TEX11: variants seen among roughly 807,000 people sequenced by gnomAD.
TEX11 encodes testis-expressed protein 11.
TEX11 carries 7 observed loss-of-function variants against 84.4 expected under a neutral mutation model. The ratio of observed to expected loss-of-function variants is 0.08; its 90% confidence interval spans 0.05 to 0.16. TEX11 has a LOEUF of 0.16. Among genes scored for constraint, TEX11 ranks in the 10% least tolerant of loss-of-function variants. The pLI is 1.00. For synonymous variants in TEX11, 264 were observed against 222.8 expected, an observed-to-expected ratio of 1.18 and a Z score of -1.64; for missense variants, 551 against 660.5, an observed-to-expected ratio of 0.83 and a Z score of 1.82.
At chrX:70,698,508 T>C (rs1393032789) in intron 13 of TEX11, among the ~76,000 whole-genome samples, 4 of 104,946 alleles carry the variant, frequency 3.8e-5, no homozygotes, top group Non-Finnish European at 5.9e-5. Flanking sequence ...ATTGAAGAAA[T>C]AGATAGGTTC....
At chrX:70,669,984 A>G (rs2090008458) in intron 16 of TEX11, among the ~76,000 whole-genome samples, 3 of 112,445 alleles carry the variant, frequency 2.7e-5, no homozygotes, top group Non-Finnish European at 5.6e-5. Flanking sequence ...AAGTGAAAGA[A>G]TGGCCACTTC....
intron 2 of TEX11, among the ~76,000 whole-genome samples, chrX:70,898,787 A>T (rs1422020757): frequency 9.1e-6 from 1 of 110,268 alleles, no homozygotes; most frequent in African/African-American, 3.3e-5. Flanking sequence ...TTGTATTTTT[A>T]GTAGAGACGG....
intron 9 of TEX11, among the ~76,000 whole-genome samples, chrX:70,752,501 G>C (rs1330904283): frequency 2.1e-5 from 2 of 96,159 alleles, no homozygotes; most frequent in African/African-American, 3.9e-5. Context: ...TCCCAGCCTG[G>C]GTGACAGAGC....
At chrX:70,717,772 G>T (rs1031822296) in intron 13 of TEX11, among the ~76,000 whole-genome samples, 21 of 111,678 alleles carry the variant, frequency 1.9e-4, no homozygotes, top group Middle Eastern at 9.2e-3. Context: ...ACTGTCTACA[G>T]AAGCCAAATA....
intron 7 of TEX11, among the ~76,000 whole-genome samples, chrX:70,841,417 G>GTT (rs1173141297): frequency 1.8e-5 from 2 of 111,119 alleles, no homozygotes; most frequent in Non-Finnish European, 3.8e-5. Context: ...AAATAAAGAT[G>GTT]TTCTTTGAAA....
At chrX:70,876,043 T>A (rs1376443929) in intron 3 of TEX11, among the ~76,000 whole-genome samples, 1 of 112,456 alleles carries the variant, frequency 8.9e-6, no homozygotes, top group East Asian at 2.8e-4. Context: ...TGGACAAATG[T>A]ATATGTGATG....
chrX:70,515,062 C>T, the TEX11 span, among the ~76,000 whole-genome samples: 21 of 65,698 alleles, frequency 3.2e-4, 1 homozygote, highest in South Asian at 0.017. Flanking sequence ...GAGTGAAACT[C>T]GGTCACACAC....
At chrX:70,609,633 C>T (rs1361401087) in intron 21 of TEX11, among the ~76,000 whole-genome samples, 1 of 112,102 alleles carries the variant, frequency 8.9e-6, no homozygotes, top group African/African-American at 3.2e-5. Context: ...ATAAGAATGC[C>T]AACCAGCAAA....
At chrX:70,595,376 C>T (rs996689331) in intron 24 of TEX11, among the ~76,000 whole-genome samples, 5 of 111,773 alleles carry the variant, frequency 4.5e-5, no homozygotes, top group African/African-American at 1.6e-4. Context: ...TGAGCTACCA[C>T]ACCCGGCTTC....
At chrX:70,663,482 G>A (rs2089949319) in intron 16 of TEX11, among the ~76,000 whole-genome samples, 1 of 111,383 alleles carries the variant, frequency 9.0e-6, no homozygotes, top group African/African-American at 3.3e-5. Context: ...CATTTCCCAA[G>A]TTTAACATCC....
chrX:70,548,760 G>C (rs947426789), intron 28 of TEX11, among the ~76,000 whole-genome samples: 9 of 112,043 alleles, frequency 8.0e-5, no homozygotes, highest in African/African-American at 2.9e-4. Flanking sequence ...GTTGGAACTT[G>C]AGTTCCAACA....
chrX:70,820,345 G>A (rs760931444), intron 8 of TEX11, among the ~76,000 whole-genome samples: 1 of 111,923 alleles, frequency 8.9e-6, no homozygotes, highest in African/African-American at 3.2e-5. Flanking sequence ...CAGTGTTGAT[G>A]GATATCAACA....
intron 20 of TEX11, among the ~76,000 whole-genome samples, chrX:70,610,975 T>C (rs1337354379): frequency 8.9e-6 from 1 of 111,782 alleles, no homozygotes; most frequent in African/African-American, 3.2e-5. Context: ...GAGGAGTGGG[T>C]GGAGGCTTGG....
In TEX11 at chrX:70,552,250, A is replaced by C; in HGVS notation, c.2400-4T>G. 8.3e-6 allele frequency: 10 copies of C among 1,204,552 alleles called. No individual in the cohort carries two copies. The highest frequency in any genetic ancestry group is 1.0e-5 in the Non-Finnish European group (9 of 893,347). Reference sequence around the variant, plus strand: ...AACCAAGTTGTGCATACATTTGCTGAAAATCAAAAAGAGAAAACTCATCCC... The same window carrying C: ...AACCAAGTTGTGCATACATTTGCTGCAAATCAAAAAGAGAAAACTCATCCC... On this transcript the variant is annotated splice_polypyrimidine_tract_variant and splice_region_variant and intron_variant, in intron 27 of 29. Transcript: ENST00000374333.
chrX:70,536,808 G>A (rs1437931124), intron 28 of TEX11, among the ~76,000 whole-genome samples: 2 of 112,121 alleles, frequency 1.8e-5, no homozygotes. Context: ...TTTTAGGGAA[G>A]AATTTTAGAA....
In TEX11 at chrX:70,908,323, A is replaced by C. The variant is rs559632387; in HGVS notation, c.-22+331T>G. On this transcript the variant is annotated intron_variant, in intron 1 of 29. Coordinates refer to ENST00000374333, the MANE Select transcript of TEX11 (RefSeq NM_031276.3). ...CCATACTCCTCCATCCTCATCAAAA[A>C]ACATTACATTGCCCCCAACGGTCAT... 3.7e-5 allele frequency among the ~76,000 whole-genome samples: 4 copies of C among 109,557 alleles called. No individual in the cohort carries two copies. The South Asian group carries it at 1.6e-3, about 45-fold the overall frequency.
chrX:70,546,544 T>TA (rs1363641919), intron 28 of TEX11, among the ~76,000 whole-genome samples: 2 of 111,186 alleles, frequency 1.8e-5, no homozygotes, highest in African/African-American at 3.3e-5. Context: ...TATAACTCAA[T>TA]AAAAAATTCC....
chrX:70,762,540 G>A (rs762569085), intron 9 of TEX11, among the ~76,000 whole-genome samples: 3 of 110,632 alleles, frequency 2.7e-5, no homozygotes, highest in Non-Finnish European at 3.8e-5. Context: ...ATAGGAGCAC[G>A]AACCCTATTG....
the TEX11 span, among the ~76,000 whole-genome samples, chrX:70,518,764 T>G: frequency 8.9e-6 from 1 of 111,745 alleles, no homozygotes; most frequent in South Asian, 3.8e-4. Flanking sequence ...TAAGTCTCTT[T>G]GTAGATCTCT....
Sources: allele counts gnomAD v4.1 joint callset (sites outside exome capture counted in the v4.1 genomes callset), GRCh38; gene constraint gnomAD v4.1.1; transcripts MANE v1.5; gene names NCBI Gene and HGNC (gene_info 2026-07-23, HGNC 2026-07-21).